Variants in SP3 observed in about 807,000 individuals in gnomAD.
SP3 encodes the protein Sp3 transcription factor, also known as transcription factor Sp3.
SP3 carries 10 observed loss-of-function variants against 70.3 expected under a neutral mutation model. The observed-to-expected ratio is 0.14, with a 90% CI of 0.09 to 0.24. The LOEUF is 0.24. Ranked by LOEUF, SP3 falls within the 10% of genes least tolerant of loss-of-function variation. The pLI is 1.00. For missense variants in SP3, 825 were observed against 914.6 expected, an observed-to-expected ratio of 0.90 and a Z score of 1.26; for synonymous variants, 402 against 333.5, an observed-to-expected ratio of 1.21 and a Z score of -2.24.
At chr2:173,914,398 G>A (rs1050460064) in intron 5 of SP3, 3 of 151,786 alleles carry the variant, frequency 2.0e-5, no homozygotes, top group Non-Finnish European at 2.9e-5. Flanking sequence ...TACACCTATC[G>A]TTTTTCAAAT....
Position 173,903,599 on chromosome 2 carries a change from A to T in SP3, c.*6342T>A, listed in dbSNP as rs1689231746. Reference sequence around the variant, plus strand: ...ACTAAGTAATTGGGTATACATAATTAAAAGAAAGACCCAAACCTATTCTGA... The same window carrying T: ...ACTAAGTAATTGGGTATACATAATTTAAAGAAAGACCCAAACCTATTCTGA... On this transcript the variant is annotated 3_prime_UTR_variant, in exon 7 of 7. Coordinates refer to ENST00000310015, the MANE Select transcript of SP3 (RefSeq NM_003111.5). 6.6e-6 allele frequency among the ~76,000 whole-genome samples: 1 copy of T among 152,248 alleles called. No individual in the cohort carries two copies. Among genetic ancestry groups the T allele is most frequent in the Non-Finnish European group, 1.5e-5 (1 of 68,038 alleles).
At position 173,903,599 on chromosome 2, in the gene SP3, AAAAG is replaced by A. The variant is rs1689231905; in HGVS notation, c.*6338_*6341del. Among the ~76,000 whole-genome samples the A allele has an allele frequency of 6.6e-6, 1 of 152,248 alleles. No homozygotes were observed. ...ACTAAGTAATTGGGTATACATAATT[AAAAG>A]AAAGACCCAAACCTATTCTGAGTCC... On this transcript the variant is annotated 3_prime_UTR_variant, in exon 7 of 7. Transcript: ENST00000310015.
rs564235598 is a variant in SP3 at position 173,960,121 on chromosome 2, A to C, written c.279+3640T>G. Among the ~76,000 whole-genome samples the C allele has an allele frequency of 5.4e-4, 83 of 152,310 alleles. 1 individual carries two copies. Among genetic ancestry groups the C allele is most frequent in the African/African-American group, 1.9e-3 (80 of 41,566 alleles). The stretch of plus-strand genomic sequence containing the variant: ...AGTGGTTGAGGCTGCAGTGAGTTGT[A>C]ATCACACACCTCCATTCCAGCCTGG... On this transcript the variant is annotated intron_variant, in intron 3 of 6. Transcript: ENST00000310015.
At chr2:173,928,451 ACAAC>A (rs1441799338) in intron 4 of SP3, among the ~76,000 whole-genome samples, 1 of 152,124 alleles carries the variant, frequency 6.6e-6, no homozygotes, top group East Asian at 1.9e-4. Context: ...TAGGGGGAAA[ACAAC>A]CAACCAACAA....
intron 4 of SP3, among the ~76,000 whole-genome samples, chr2:173,931,275 T>C (rs1055568159): frequency 6.6e-6 from 1 of 152,146 alleles, no homozygotes; most frequent in Non-Finnish European, 1.5e-5. Context: ...ACATCTGTAA[T>C]TCCAGCACTT....
At position 173,901,039 on chromosome 2, in the gene SP3, C is replaced by A. The variant is rs1456800714; in HGVS notation, c.*8902G>T. Among the ~76,000 whole-genome samples, 1 of 152,064 alleles carries A rather than the reference C, an allele frequency of 6.6e-6. No homozygotes were observed. The highest frequency in any genetic ancestry group is 1.5e-5 in the Non-Finnish European group (1 of 68,010). On this transcript the variant is annotated 3_prime_UTR_variant, in exon 7 of 7. Transcript: ENST00000310015. The stretch of plus-strand genomic sequence containing the variant: ...GGGTGGGCAGAGGAGACTTCCTTAC[C>A]GGATGTCAAGAATTTAGGATAAATA...
chr2:173,961,947 T>TTTG (rs1691099635), intron 3 of SP3, among the ~76,000 whole-genome samples: 1 of 150,970 alleles, frequency 6.6e-6, no homozygotes, highest in Non-Finnish European at 1.5e-5. Context: ...TTTTTTTTTT[T>TTTG]TTTTTTTTTT....
rs114775208 is a variant in SP3 at position 173,938,780 on chromosome 2, C to T, written c.1639+16093G>A. On this transcript the variant is annotated intron_variant, in intron 4 of 6. Coordinates refer to ENST00000310015, the MANE Select transcript of SP3 (RefSeq NM_003111.5). The stretch of plus-strand genomic sequence containing the variant: ...AAAGATGTCAACCTGAAGGTTACTC[C>T]ACTATTCCTGTTTCTAAAGTGCTGT... Among the ~76,000 whole-genome samples, 323 of 152,220 alleles carry T rather than the reference C, an allele frequency of 2.1e-3. 3 individuals are homozygous for T. The highest frequency in any genetic ancestry group is 7.5e-3 in the African/African-American group (311 of 41,526).
intron 4 of SP3, among the ~76,000 whole-genome samples, chr2:173,942,277 G>A (rs1047613516): frequency 1.6e-4 from 25 of 152,184 alleles, no homozygotes; most frequent in Admixed American, 1.2e-3. Context: ...AGTTGGGGCC[G>A]GGAGCAGTGG....
chr2:173,921,469 G>A (rs545232382), intron 4 of SP3, among the ~76,000 whole-genome samples: 25 of 152,230 alleles, frequency 1.6e-4, no homozygotes, highest in African/African-American at 5.3e-4. Flanking sequence ...CGGGAGAAAC[G>A]ATTGAACCTA....
At chr2:173,935,623 A>T (rs777018701) in intron 4 of SP3, among the ~76,000 whole-genome samples, 1 of 152,124 alleles carries the variant, frequency 6.6e-6, no homozygotes, top group Non-Finnish European at 1.5e-5. Context: ...AAATTTCCCA[A>T]AACATCTTCC....
chr2:173,955,223 T>C lies in SP3; in HGVS notation c.1289A>G (p.Asn430Ser), dbSNP rs776256444. 2.5e-6 allele frequency: 4 copies of C among 1,614,070 alleles called. No individual in the cohort carries two copies. Among genetic ancestry groups the C allele is most frequent in the Non-Finnish European group, 3.4e-6 (4 of 1,180,044 alleles). Residue 430 changes from asparagine to serine, a missense_variant, in exon 4 of 7, where the codon AAT (asparagine) becomes AGT (serine). This residue lies in a region of SP3 where 678 missense variants were observed against 651.6 expected (regional missense o/e 1.04). Transcript: ENST00000310015. Reference sequence around the variant, plus strand: ...ATTTTGCAAAGCCTGTTGTGATATATTTTGACCACTGGCTTGCACACCATG... The same window carrying C: ...ATTTTGCAAAGCCTGTTGTGATATACTTTGACCACTGGCTTGCACACCATG... ...TIHGVQASGQ[N>S]ISQQALQNLQ...
At position 173,964,396 on chromosome 2, in the gene SP3, GCTC is replaced by G. The variant is rs1559113650; in HGVS notation, c.156+6_156+8del. 1.4e-6 allele frequency: 1 copy of G among 708,312 alleles called. No homozygotes were observed. The highest frequency in any genetic ancestry group is 1.9e-5 in the Admixed American group (1 of 52,246). The allele number at this position is 708,312 out of a possible 1,614,324, so 43.9% of individuals were successfully genotyped here. On this transcript the variant is annotated splice_donor_region_variant and intron_variant, in intron 2 of 6. Transcript: ENST00000310015. ...GGGGGAGCCGGGCCGGGGTTCAGCCGCTCCTCACCTGGGCCGCCGCTGCCGCCG... is the reference window on the plus strand; with the variant it reads ...GGGGGAGCCGGGCCGGGGTTCAGCCGCTCACCTGGGCCGCCGCTGCCGCCG...
chr2:173,962,192 C>T (rs1423868876), intron 3 of SP3, among the ~76,000 whole-genome samples: 2 of 152,134 alleles, frequency 1.3e-5, no homozygotes, highest in African/African-American at 2.4e-5. Context: ...GCCTCAGACT[C>T]ACATATGTAT....
At chr2:173,941,329 T>TAGG in intron 4 of SP3, among the ~76,000 whole-genome samples, 1 of 152,216 alleles carries the variant, frequency 6.6e-6, no homozygotes, top group Non-Finnish European at 1.5e-5. Context: ...TAGATAATGC[T>TAGG]AGGCATGGTG....
chr2:173,959,397 C>T (rs1000535520), intron 3 of SP3, among the ~76,000 whole-genome samples: 2 of 149,562 alleles, frequency 1.3e-5, no homozygotes, highest in African/African-American at 4.9e-5. Context: ...CTACTGGAAA[C>T]ACTACAGAAA....
Position 173,933,638 on chromosome 2 carries a change from T to TCATATA in SP3, c.1640-14854_1640-14853insTATATG, listed in dbSNP as rs71405167. Among the ~76,000 whole-genome samples the TCATATA allele has an allele frequency of 1.6e-3, 136 of 86,550 alleles. 2 individuals are homozygous for TCATATA. The highest frequency in any genetic ancestry group is 6.8e-3 in the East Asian group (21 of 3,104). The allele number at this position is 86,550 out of a possible 152,430, so 56.8% of individuals were successfully genotyped here. On this transcript the variant is annotated intron_variant, in intron 4 of 6. Coordinates refer to ENST00000310015, the MANE Select transcript of SP3 (RefSeq NM_003111.5). ...ACAAATGACTAACATTTATAAAACT[T>TCATATA]TATATATATATATATATATATATAT...
chr2:173,922,303 T>A (rs934954747), intron 4 of SP3, among the ~76,000 whole-genome samples: 5 of 151,266 alleles, frequency 3.3e-5, no homozygotes, highest in East Asian at 1.9e-4. Flanking sequence ...TTTTTTTTTT[T>A]AAATCCTGAG....
chr2:173,933,638 T>TTATA (rs60102426), intron 4 of SP3, among the ~76,000 whole-genome samples: 9,580 of 86,302 alleles, frequency 0.11, 721 homozygotes, highest in Non-Finnish European at 0.15. Flanking sequence ...TTATAAAACT[T>TTATA]TATATATATA....
Sources: gnomAD v4.1 joint callset for allele counts (sites outside exome capture counted in the v4.1 genomes callset) on GRCh38, gnomAD v4.1.1 for gene constraint, gnomAD v4.1.1 regional missense constraint, MANE v1.5 for transcripts, NCBI Gene and HGNC (gene_info 2026-07-23, HGNC 2026-07-21) for gene names.